SLC25A42: variants seen among roughly 807,000 people sequenced by gnomAD.
The protein encoded by SLC25A42 is solute carrier family 25 member 42.
Under a neutral mutation model 34.7 loss-of-function variants are expected in SLC25A42, and 19 were observed. The observed-to-expected ratio is 0.55, with a 90% CI of 0.38 to 0.80. SLC25A42 has a LOEUF of 0.80. Ranked by LOEUF, SLC25A42 falls within the 30% of genes least tolerant of loss-of-function variation. The pLI is 0.00. For synonymous variants in SLC25A42, 205 were observed against 191.2 expected (o/e 1.07, Z -0.59); for missense variants, 364 against 441.3 (o/e 0.82, Z 1.57).
intron 4 of SLC25A42, among the ~76,000 whole-genome samples, 164 bp from the exon 5 acceptor site, chr19:19,105,397 C>G (rs765140236): frequency 6.6e-6 from 1 of 151,574 alleles, no homozygotes; most frequent in Admixed American, 6.6e-5. Context: ...TCAGTCTGGA[C>G]AAATCGGGGT....
intron 6 of SLC25A42, chr19:19,107,072 CT>C (rs202029462): frequency 0.019 from 2,917 of 152,328 alleles, 87 homozygotes; most frequent in African/African-American, 0.067. Flanking sequence ...AATCCCAGCA[CT>C]TTGGGAGGCC....
intron 1 of SLC25A42, among the ~76,000 whole-genome samples, chr19:19,071,440 A>G (rs1056504835): frequency 6.6e-6 from 1 of 152,174 alleles, no homozygotes; most frequent in African/African-American, 2.4e-5. Context: ...TTGGAGTTCC[A>G]TATTGGTCAG....
At chr19:19,074,421 G>T (rs75854698) in intron 1 of SLC25A42, among the ~76,000 whole-genome samples, 4 of 152,210 alleles carry the variant, frequency 2.6e-5, no homozygotes, top group African/African-American at 9.7e-5. Context: ...CAGATAGGAT[G>T]TTAATTGGCT....
intron 1 of SLC25A42, among the ~76,000 whole-genome samples, chr19:19,094,246 A>T (rs1262719128): frequency 6.6e-6 from 1 of 152,170 alleles, no homozygotes; most frequent in Non-Finnish European, 1.5e-5. Flanking sequence ...CTGCTGTGCT[A>T]TTTGGGAATC....
At chr19:19,065,391 TTAAAGC>T (rs2059596713) in intron 1 of SLC25A42, among the ~76,000 whole-genome samples, 1 of 152,174 alleles carries the variant, frequency 6.6e-6, no homozygotes, top group South Asian at 2.1e-4. Context: ...TTTCAGCTGT[TTAAAGC>T]TAACCTGCAA....
intron 2 of SLC25A42, among the ~76,000 whole-genome samples, chr19:19,101,004 C>T (rs1261070774): frequency 1.3e-5 from 2 of 152,200 alleles, no homozygotes. Flanking sequence ...AGAATGCTCT[C>T]TGCCACTTCT....
In SLC25A42 at chr19:19,107,997, G is replaced by A. The variant is rs531577760; in HGVS notation, c.601G>A (p.Ala201Thr). 1.9e-6 allele frequency: 3 copies of A among 1,609,828 alleles called. No individual in the cohort carries two copies. Among genetic ancestry groups the A allele is most frequent in the East Asian group, 2.2e-5 (1 of 44,768 alleles). ...CACCGTGCTGGGGGTCATTCCCTAC[G>A]CTGGCCTGAGCTTCTTCACCTATGA... ...MPTVLGVIPY[A>T]GLSFFTYETL... Residue 201 changes from alanine to threonine, a missense_variant, in exon 7 of 8, where the codon GCT becomes ACT. Physicochemically the swap from Ala to Thr is moderately conservative, Grantham distance 58 (BLOSUM62 0). Coordinates refer to ENST00000318596, the MANE Select transcript of SLC25A42 (RefSeq NM_178526.5).
intron 3 of SLC25A42, among the ~76,000 whole-genome samples, chr19:19,104,129 T>C (rs1427084490): frequency 6.6e-6 from 1 of 152,100 alleles, no homozygotes; most frequent in African/African-American, 2.4e-5. Context: ...GCCAGGCTGG[T>C]CTCGAACTCC....
At chr19:19,071,727 A>G (rs8107710) in intron 1 of SLC25A42, among the ~76,000 whole-genome samples, 126,740 of 151,974 alleles carry the variant, frequency 0.83, 52,959 homozygotes, top group East Asian at 0.89. Flanking sequence ...TTAGCCAGCC[A>G]TGGTGGCAGG....
chr19:19,099,992 T>G (rs2059786012), intron 2 of SLC25A42, among the ~76,000 whole-genome samples: 1 of 151,332 alleles, frequency 6.6e-6, no homozygotes, highest in Non-Finnish European at 1.5e-5. Flanking sequence ...CCTCCCAAAG[T>G]GCTGAGATTA....
At chr19:19,105,825 C>T in intron 5 of SLC25A42, 98 bp downstream of exon 5, 4 of 1,102,970 alleles carry the variant, frequency 3.6e-6, no homozygotes, top group Non-Finnish European at 5.1e-6. Context: ...CGTGCCTTGC[C>T]CCTAGCCCTG....
At chr19:19,103,056 GTC>G (rs1385044513) in intron 3 of SLC25A42, among the ~76,000 whole-genome samples, 1 of 151,986 alleles carries the variant, frequency 6.6e-6, no homozygotes, top group Non-Finnish European at 1.5e-5. Flanking sequence ...TCCCCTGTGT[GTC>G]TGTTTTCTCT....
intron 1 of SLC25A42, among the ~76,000 whole-genome samples, chr19:19,068,295 C>T (rs1306375262): frequency 2.7e-5 from 4 of 149,410 alleles, no homozygotes; most frequent in African/African-American, 9.9e-5. Flanking sequence ...TTGGAGGTTG[C>T]AGTGAGCTGA....
At chr19:19,065,788 A>G (rs2059599059) in intron 1 of SLC25A42, among the ~76,000 whole-genome samples, 2 of 152,222 alleles carry the variant, frequency 1.3e-5, no homozygotes, top group Admixed American at 6.5e-5. Flanking sequence ...TACATATTTT[A>G]TATATACATA....
At chr19:19,105,840 C>T in intron 5 of SLC25A42, 113 bp downstream of exon 5, 1 of 959,228 alleles carries the variant, frequency 1.0e-6, no homozygotes, top group Non-Finnish European at 1.5e-6. Context: ...GCCCTGCCTT[C>T]CCTCTTCCCA....
At chr19:19,100,197 C>A (rs2059787646) in intron 2 of SLC25A42, among the ~76,000 whole-genome samples, 3 of 151,952 alleles carry the variant, frequency 2.0e-5, no homozygotes, top group Admixed American at 2.0e-4. Flanking sequence ...CAAAAATTAG[C>A]CAGGCGTGGT....
chr19:19,074,168 A>G (rs1213093939), intron 1 of SLC25A42, among the ~76,000 whole-genome samples: 2 of 152,314 alleles, frequency 1.3e-5, no homozygotes, highest in African/African-American at 2.4e-5. Context: ...ACAGCAATTG[A>G]TCATAGAATT....
chr19:19,104,835 G>A, intron 3 of SLC25A42, 78 bp from the exon 4 acceptor site: 1 of 1,528,642 alleles, frequency 6.5e-7, no homozygotes, highest in Non-Finnish European at 9.1e-7. Flanking sequence ...CTGCTAGTGG[G>A]TGCCAGGGGT....
chr19:19,088,838 CTTT>C (rs2059723063), intron 1 of SLC25A42, among the ~76,000 whole-genome samples: 1 of 150,022 alleles, frequency 6.7e-6, no homozygotes, highest in African/African-American at 2.5e-5. Context: ...GACAGCGTCT[CTTT>C]CTGACACCCA....
Sources: allele counts gnomAD v4.1 joint callset (sites outside exome capture counted in the v4.1 genomes callset), GRCh38; gene constraint gnomAD v4.1.1; transcripts MANE v1.5; gene names NCBI Gene and HGNC (gene_info 2026-07-23, HGNC 2026-07-21).